Variants in PPP2R5D observed in about 807,000 individuals in gnomAD.
PPP2R5D encodes the protein serine/threonine-protein phosphatase 2A 56 kDa regulatory subunit delta isoform.
A neutral mutation model predicts 79.1 loss-of-function variants in PPP2R5D; 12 were observed. The observed-to-expected ratio is 0.15, with a 90% CI of 0.10 to 0.25. PPP2R5D has a LOEUF of 0.25. Ranked by LOEUF, PPP2R5D falls within the 10% of genes least tolerant of loss-of-function variation. PPP2R5D has a pLI of 1.00. For synonymous variants in PPP2R5D, 277 were observed against 286.6 expected (o/e 0.97, Z 0.34); for missense variants, 419 against 760.2 (o/e 0.55, Z 5.28).
At position 43,008,669 on chromosome 6, in the gene PPP2R5D, C is replaced by T. The variant is rs1334875612; in HGVS notation, c.1027-24C>T. ...AGCTTCTAGGACCTACACCTCACCT[C>T]CCTTCTACCTCACACCTTTGCAGCT... On this transcript the variant is annotated intron_variant, in intron 9 of 15. Coordinates refer to ENST00000485511, the MANE Select transcript of PPP2R5D (RefSeq NM_006245.4). The surrounding 1 kb of genome is among the most constrained non-coding windows in gnomAD (Gnocchi z 4.2). 1 of 1,612,574 alleles carries T rather than the reference C, an allele frequency of 6.2e-7. No homozygotes were observed. The highest frequency in any genetic ancestry group is 8.5e-7 in the Non-Finnish European group (1 of 1,178,686).
chr6:43,007,587 T>C lies in PPP2R5D; in HGVS notation c.726+81T>C, dbSNP rs1329816489. 1.5e-6 allele frequency: 2 copies of C among 1,310,726 alleles called. No homozygotes were observed. The highest frequency in any genetic ancestry group is 2.2e-6 in the Non-Finnish European group (2 of 908,476). 81.2% of individuals were successfully genotyped at this position (1,310,726 alleles called of 1,614,324 possible). A position where few individuals can be genotyped will look rare whatever the true frequency, so the allele number is the denominator to read the frequency against. ...CTGTGTCCCAGTGGCTCTTTCCCCT[T>C]AAGCTGAATATATTGGGTTTCATCC... On this transcript the variant is annotated intron_variant, in intron 6 of 15. Coordinates refer to ENST00000485511, the MANE Select transcript of PPP2R5D (RefSeq NM_006245.4). This position sits in a 1 kb window ranked among gnomAD's most constrained non-coding sequence, Gnocchi z 4.5.
At chr6:42,984,833 A>G in intron 1 of PPP2R5D, 129 bp downstream of exon 1, 4 of 1,385,986 alleles carry the variant, frequency 2.9e-6, no homozygotes, top group Non-Finnish European at 3.8e-6. Context: ...TCCTGGGGCC[A>G]GCCCTCCGCC....
At position 43,008,783 on chromosome 6, in the gene PPP2R5D, C is replaced by T; in HGVS notation, c.1080+37C>T. On this transcript the variant is annotated intron_variant, in intron 10 of 15. Transcript: ENST00000485511. This position sits in a 1 kb window ranked among gnomAD's most constrained non-coding sequence, Gnocchi z 4.2. The stretch of plus-strand genomic sequence containing the variant: ...TCCGGGCCCCAAGGCCCACCTCTTA[C>T]TGTCAGCATCACTTGCCAGTCTGTA... 1 of 1,593,436 alleles carries T rather than the reference C, an allele frequency of 6.3e-7. No homozygotes were observed. Among genetic ancestry groups the T allele is most frequent in the Non-Finnish European group, 8.6e-7 (1 of 1,162,230 alleles).
In PPP2R5D at chr6:42,989,696, A is replaced by G. The variant is rs763724175; in HGVS notation, c.105+8A>G. Reference sequence around the variant, plus strand: ...GGCGAGAACACTGAGGAGGTAATGAATGTAGGCGTAGCCTTAGATGTGGTG... The same window carrying G: ...GGCGAGAACACTGAGGAGGTAATGAGTGTAGGCGTAGCCTTAGATGTGGTG... On this transcript the variant is annotated splice_region_variant and intron_variant, in intron 2 of 15. Coordinates refer to ENST00000485511, the MANE Select transcript of PPP2R5D (RefSeq NM_006245.4). 1 of 1,611,236 alleles carries G rather than the reference A, an allele frequency of 6.2e-7. No individual in the cohort carries two copies. The highest frequency in any genetic ancestry group is 1.3e-5 in the African/African-American group (1 of 74,866).
At position 43,000,092 on chromosome 6, in the gene PPP2R5D, C is replaced by T. The variant is rs956713015; in HGVS notation, c.106-6371C>T. On this transcript the variant is annotated intron_variant, in intron 2 of 15. Coordinates refer to ENST00000485511, the MANE Select transcript of PPP2R5D (RefSeq NM_006245.4). ...CTGGGATTACAGGCGCCCGCCACCA[C>T]GCCCAGCTAATTTTTGTATTTTTAG... Among the ~76,000 whole-genome samples the T allele has an allele frequency of 6.6e-5, 10 of 151,990 alleles. No homozygotes were observed. The South Asian group carries it at 8.3e-4, about 13-fold the overall frequency.
At chr6:43,001,505 A>G (rs547710042) in intron 2 of PPP2R5D, among the ~76,000 whole-genome samples, 2 of 152,306 alleles carry the variant, frequency 1.3e-5, no homozygotes, top group East Asian at 3.9e-4. Flanking sequence ...TAGCATAGGA[A>G]GGAGATTCTA....
In PPP2R5D at chr6:43,006,667, C is replaced by T; in HGVS notation, c.310C>T (p.Pro104Ser). ...CAAGAATCGGGAGCTGCAGAAGCTT[C>T]CTGCCCTGAAAGGTACTTGGCAATT... The part of the protein sequence containing the change: ...LSKNRELQKL[P>S]ALKDSPTQER... Residue 104 changes from proline (P) to serine (S), a missense_variant, in exon 3 of 16, where the codon CCT becomes TCT. Physicochemically the swap from Pro to Ser is moderately conservative, Grantham distance 74. Transcript: ENST00000485511. This position sits in a 1 kb window ranked among gnomAD's most constrained non-coding sequence, Gnocchi z 4.7. 1 of 1,614,068 alleles carries T rather than the reference C, an allele frequency of 6.2e-7. No homozygotes were observed. Among genetic ancestry groups the T allele is most frequent in the Non-Finnish European group, 8.5e-7 (1 of 1,179,982 alleles).
At chr6:43,005,457 C>T (rs1762023316) in intron 2 of PPP2R5D, among the ~76,000 whole-genome samples, 2 of 151,952 alleles carry the variant, frequency 1.3e-5, no homozygotes, top group East Asian at 3.9e-4. Flanking sequence ...GCATGTGCCA[C>T]CACACCTGGC....
chr6:42,984,814 C>T, intron 1 of PPP2R5D, 110 bp downstream of exon 1: 2 of 1,502,324 alleles, frequency 1.3e-6, no homozygotes, highest in African/African-American at 1.4e-5. Context: ...CGTCCAGCCC[C>T]CGCAGGACTC....
In PPP2R5D at chr6:43,007,035, C is replaced by A. The variant is rs1473958057; in HGVS notation, c.447C>A (p.Leu149=). 1 of 1,614,120 alleles carries A rather than the reference C, an allele frequency of 6.2e-7. No individual in the cohort carries two copies. Among genetic ancestry groups the A allele is most frequent in the South Asian group, 1.1e-5 (1 of 91,084 alleles). ...TCAAGGAGGTGAAGCGGGCAGGACT[C>A]AACGAGATGGTGGAGTACATCACCC... is the stretch of plus-strand genomic sequence containing the variant. ...LKFKEVKRAG[L]NEMVEYITHS... Residue 149 remains leucine, a synonymous_variant, in exon 4 of 16, where the codon CTC becomes CTA. Coordinates refer to ENST00000485511, the MANE Select transcript of PPP2R5D (RefSeq NM_006245.4). The surrounding 1 kb of genome is among the most constrained non-coding windows in gnomAD (Gnocchi z 4.5).
At chr6:42,998,473 G>T (rs1414506048) in intron 2 of PPP2R5D, among the ~76,000 whole-genome samples, 4 of 152,136 alleles carry the variant, frequency 2.6e-5, no homozygotes, top group Non-Finnish European at 5.9e-5. Flanking sequence ...TGAGTGTCGT[G>T]TGGAAATTCA....
Position 43,010,910 on chromosome 6 carries a change from G to A in PPP2R5D, c.1584G>A (p.Leu528=), listed in dbSNP as rs1185375283. The A allele has an allele frequency of 6.2e-7, 1 of 1,613,966 alleles. No individual in the cohort carries two copies. Among genetic ancestry groups the A allele is most frequent in the East Asian group, 2.2e-5 (1 of 44,886 alleles). The stretch of plus-strand genomic sequence containing the variant: ...CCATGTTCCGAGCCCCTCCACCACT[G>A]CCCCCTGTGTACTCGATGGAGACAG... ...QYPMFRAPPP[L]PPVYSMETET... is the part of the protein sequence containing the mutation. The change falls in exon 15 of 16, where the codon CTG becomes CTA. Residue 528 remains leucine (L), a synonymous_variant. Transcript: ENST00000485511. The surrounding 1 kb of genome is among the most constrained non-coding windows in gnomAD (Gnocchi z 4.7).
chr6:42,988,072 C>T (rs957027091), intron 1 of PPP2R5D, among the ~76,000 whole-genome samples: 3 of 152,040 alleles, frequency 2.0e-5, no homozygotes, highest in Admixed American at 6.6e-5. Context: ...CTCCTTCCCC[C>T]TACTGCATGG....
At chr6:42,990,278 G>C (rs1446560436) in intron 2 of PPP2R5D, among the ~76,000 whole-genome samples, 2 of 152,228 alleles carry the variant, frequency 1.3e-5, no homozygotes, top group East Asian at 3.8e-4. Context: ...GAAAGTTTGG[G>C]AGTGTGCACA....
In PPP2R5D at chr6:43,008,153, C is replaced by T. The variant is rs779058229; in HGVS notation, c.858-48C>T. ...GGAGGTGGGGGGACTGTACAGAATG[C>T]TGGAGGGACATCAGGGGTTGTCAAG... is the stretch of plus-strand genomic sequence containing the variant. On this transcript the variant is annotated intron_variant, in intron 7 of 15. Transcript: ENST00000485511. This position sits in a 1 kb window ranked among gnomAD's most constrained non-coding sequence, Gnocchi z 4.2. 6.2e-7 allele frequency: 1 copy of T among 1,613,852 alleles called. No homozygotes were observed. Among genetic ancestry groups the T allele is most frequent in the Non-Finnish European group, 8.5e-7 (1 of 1,179,892 alleles).
In PPP2R5D at chr6:43,006,339, G is replaced by A. The variant is rs192939893; in HGVS notation, c.106-124G>A. The stretch of plus-strand genomic sequence containing the variant: ...CTGTAACCCTGGCCTTAGCTCCTTC[G>A]GGGCAGGAGACAGCTGCTCACTGCC... On this transcript the variant is annotated intron_variant, in intron 2 of 15. Coordinates refer to ENST00000485511, the MANE Select transcript of PPP2R5D (RefSeq NM_006245.4). This position sits in a 1 kb window ranked among gnomAD's most constrained non-coding sequence, Gnocchi z 4.7. 80 of 1,448,700 alleles carry A rather than the reference G, an allele frequency of 5.5e-5. No individual in the cohort carries two copies. Among genetic ancestry groups the A allele is most frequent in the Admixed American group, 3.4e-4 (13 of 38,288 alleles). 89.7% of individuals were successfully genotyped at this position (1,448,700 alleles called of 1,614,324 possible). A position where few individuals can be genotyped will look rare whatever the true frequency, so the allele number is the denominator to read the frequency against.
chr6:43,009,383 A>G lies in PPP2R5D; in HGVS notation c.1313A>G (p.Asn438Ser), dbSNP rs1762242747. Residue 438 changes from asparagine (N) to serine (S), a missense_variant, in exon 12 of 16, where the codon AAT becomes AGT. By Grantham distance (46) the Asn-to-Ser change is conservative. Transcript: ENST00000485511. The surrounding 1 kb of genome is among the most constrained non-coding windows in gnomAD (Gnocchi z 5.6). ...NEYIMSLISDNAARVLPIMFP... is the reference protein window; with the variant it reads ...NEYIMSLISDSAARVLPIMFP... Reference sequence around the variant, plus strand: ...TACATCATGAGCCTGATAAGTGACAATGCTGCCCGAGTCCTCCCCATCATG... The same window carrying G: ...TACATCATGAGCCTGATAAGTGACAGTGCTGCCCGAGTCCTCCCCATCATG... The G allele has an allele frequency of 3.7e-6, 6 of 1,613,872 alleles. No homozygotes were observed. Among genetic ancestry groups the G allele is most frequent in the Admixed American group, 1.7e-5 (1 of 59,972 alleles).
Position 42,984,578 on chromosome 6 carries a change from C to G in PPP2R5D, c.-100C>G, listed in dbSNP as rs1770678375. 1 of 1,462,404 alleles carries G rather than the reference C, an allele frequency of 6.8e-7. No individual in the cohort carries two copies. The highest frequency in any genetic ancestry group is 9.0e-7 in the Non-Finnish European group (1 of 1,109,862). The allele number at this position is 1,462,404 out of a possible 1,614,324, so 90.6% of individuals were successfully genotyped here. On this transcript the variant is annotated 5_prime_UTR_variant, in exon 1 of 16. Coordinates refer to ENST00000485511, the MANE Select transcript of PPP2R5D (RefSeq NM_006245.4). ...CACCGCTCGACCCGGGCGCAGCGCG[C>G]AGGCGGTGGCGAAGAGACGCCGAGC...
intron 2 of PPP2R5D, among the ~76,000 whole-genome samples, chr6:42,996,191 C>T (rs1211135168): frequency 4.1e-5 from 6 of 146,876 alleles, no homozygotes; most frequent in Middle Eastern, 3.4e-3. Flanking sequence ...GGGCCAGGCG[C>T]GGTGGTTCAC....
Sources: allele counts gnomAD v4.1 joint callset (sites outside exome capture counted in the v4.1 genomes callset), GRCh38; gene constraint gnomAD v4.1.1; non-coding constraint Gnocchi (gnomAD v3.1); transcripts MANE v1.5; gene names NCBI Gene and HGNC (gene_info 2026-07-23, HGNC 2026-07-21).